Variants in PNMA6E observed in about 807,000 individuals in gnomAD.
PNMA6E encodes paraneoplastic antigen Ma6E.
For synonymous variants in PNMA6E, 43 were observed against 17.1 expected, an observed-to-expected ratio of 2.52 and a Z score of -3.74; for missense variants, 78 against 50.8, an observed-to-expected ratio of 1.53 and a Z score of -1.63.
chrX:153,397,951 G>A lies in PNMA6E; in HGVS notation c.899C>T (p.Ala300Val). The stretch of plus-strand genomic sequence containing the variant: ...GGTGCAGCGCCAAGGCTGGACCCAG[G>A]CTTTTGTTACATTTGTCCCTCCTGC... The part of the protein sequence containing the change: ...GEAGGTNVTK[A>V]WVQPWRCTLQ... The change falls in exon 2 of 2, where the codon GCC (alanine) becomes GTC (valine). Residue 300 changes from alanine (A) to valine (V), a missense_variant. Ala to Val is a moderately conservative substitution (Grantham distance 64). Coordinates refer to ENST00000445091, the MANE Select transcript of PNMA6E (RefSeq NM_001367770.1). The A allele has an allele frequency of 1.2e-5, 5 of 420,056 alleles. No homozygotes were observed. Among genetic ancestry groups the A allele is most frequent in the Non-Finnish European group, 2.1e-5 (5 of 242,645 alleles). The allele number at this position is 420,056 out of a possible 1,213,427, so 34.6% of individuals were successfully genotyped here.
chrX:153,398,996 G>T, intron 1 of PNMA6E, 76 bp from the exon 2 acceptor site: 1 of 294,817 alleles, frequency 3.4e-6, no homozygotes, highest in East Asian at 4.8e-5. Flanking sequence ...CGTGTGTGGG[G>T]GTGAGGGGGC....
At chrX:153,402,509 A>C (rs1294703379), upstream of PNMA6E, among the ~76,000 whole-genome samples, 1 of 111,560 alleles carries the variant, frequency 9.0e-6, no homozygotes, top group Non-Finnish European at 1.9e-5. Context: ...TAGTTGTCAT[A>C]TATATATCTA....
the PNMA6E span, among the ~76,000 whole-genome samples, chrX:153,407,410 C>T: frequency 3.6e-5 from 4 of 110,757 alleles, no homozygotes; most frequent in Non-Finnish European, 7.6e-5. Flanking sequence ...CGCTCTGCTG[C>T]CCAGGCTGGA....
chrX:153,406,222 G>C (rs939212640), upstream of PNMA6E, among the ~76,000 whole-genome samples: 3 of 112,318 alleles, frequency 2.7e-5, no homozygotes, highest in Non-Finnish European at 5.6e-5. Context: ...GAGATTCGAC[G>C]GCATCGGCGG....
At chrX:153,404,517 C>T (rs1316241886), upstream of PNMA6E, among the ~76,000 whole-genome samples, 9 of 110,230 alleles carry the variant, frequency 8.2e-5, no homozygotes, top group Admixed American at 2.9e-4. Context: ...GTGGTGGTGG[C>T]GGTGGTGGTT....
upstream of PNMA6E, among the ~76,000 whole-genome samples, chrX:153,405,973 A>T (rs941066951): frequency 3.6e-5 from 4 of 112,431 alleles, no homozygotes; most frequent in Non-Finnish European, 7.5e-5. Flanking sequence ...TCTGAGCAGC[A>T]TTGTCTTAGT....
intron 1 of PNMA6E, among the ~76,000 whole-genome samples, 154 bp downstream of exon 1, chrX:153,401,090 G>A (rs1388352824): frequency 9.5e-6 from 1 of 105,788 alleles, no homozygotes; most frequent in South Asian, 4.5e-4. Flanking sequence ...CGGGCCAGGC[G>A]GGACCGCCGC....
the PNMA6E span, among the ~76,000 whole-genome samples, chrX:153,412,184 G>C: frequency 2.7e-5 from 3 of 112,550 alleles, no homozygotes; most frequent in Non-Finnish European, 3.8e-5. Context: ...GCGGTGGTGC[G>C]GGATGTTGAC....
the PNMA6E span, among the ~76,000 whole-genome samples, chrX:153,412,702 G>A: frequency 8.9e-6 from 1 of 111,903 alleles, no homozygotes; most frequent in Non-Finnish European, 1.9e-5. Flanking sequence ...GCTCAAGGGA[G>A]CAAGAGTGTG....
At chrX:153,401,893 C>T (rs1357834566), upstream of PNMA6E, among the ~76,000 whole-genome samples, 4 of 81,662 alleles carry the variant, frequency 4.9e-5, no homozygotes, top group African/African-American at 1.5e-4. Context: ...GGCGCAATTT[C>T]GGCTCACTGC....
At chrX:153,400,898 A>G (rs1330283923) in intron 1 of PNMA6E, among the ~76,000 whole-genome samples, 2 of 88,625 alleles carry the variant, frequency 2.3e-5, no homozygotes, top group Non-Finnish European at 4.4e-5. Context: ...TGGGCGAGTC[A>G]CCCTCCCTCT....
rs1602870603 is a variant in PNMA6E at position 153,396,794 on chromosome X, T to G, written c.*112A>C. On this transcript the variant is annotated 3_prime_UTR_variant, in exon 2 of 2. Transcript: ENST00000445091. Reference sequence around the variant, plus strand: ...GGTGGCCAGAGCCCCTTGGGGGAGGTGGGGGGCCCTTACTCCTGAATGTGG... The same window carrying G: ...GGTGGCCAGAGCCCCTTGGGGGAGGGGGGGGGCCCTTACTCCTGAATGTGG... 3 of 292,450 alleles carry G rather than the reference T, an allele frequency of 1.0e-5. No individual in the cohort carries two copies. The highest frequency in any genetic ancestry group is 1.8e-5 in the Non-Finnish European group (3 of 168,618). 24.1% of individuals were successfully genotyped at this position (292,450 alleles called of 1,213,427 possible).
chrX:153,406,649 CACTG>C, the PNMA6E span, among the ~76,000 whole-genome samples: 1 of 112,953 alleles, frequency 8.9e-6, no homozygotes, highest in Non-Finnish European at 1.9e-5. Flanking sequence ...GCTGAGAACT[CACTG>C]ACAGATGTGA....
At chrX:153,403,150 G>A (rs2088862209), upstream of PNMA6E, among the ~76,000 whole-genome samples, 1 of 111,435 alleles carries the variant, frequency 9.0e-6, no homozygotes, top group African/African-American at 3.3e-5. Context: ...TTCTCTCCTA[G>A]GAGTCCATAT....
At position 153,396,735 on chromosome X, in the gene PNMA6E, G is replaced by T. The variant is rs953400366; in HGVS notation, c.*171C>A. Reference sequence around the variant, plus strand: ...CTCCCCACCCCATTTTGTATCAAACGTGGTCATCCGGGTCACAGGGAAGGA... The same window carrying T: ...CTCCCCACCCCATTTTGTATCAAACTTGGTCATCCGGGTCACAGGGAAGGA... On this transcript the variant is annotated 3_prime_UTR_variant, in exon 2 of 2. Coordinates refer to ENST00000445091, the MANE Select transcript of PNMA6E (RefSeq NM_001367770.1). The T allele has an allele frequency of 3.1e-5, 9 of 289,604 alleles. No homozygotes were observed. Among genetic ancestry groups the T allele is most frequent in the Middle Eastern group, 1.8e-3 (2 of 1,131 alleles). 23.9% of individuals were successfully genotyped at this position (289,604 alleles called of 1,213,427 possible). A position where few individuals can be genotyped will look rare whatever the true frequency, so the allele number is the denominator to read the frequency against.
the PNMA6E span, among the ~76,000 whole-genome samples, chrX:153,408,138 C>A: frequency 8.9e-6 from 1 of 112,670 alleles, no homozygotes; most frequent in Non-Finnish European, 1.9e-5. Flanking sequence ...AGAGGGAGGC[C>A]GTCCTGGGAG....
chrX:153,397,427 C>T lies in PNMA6E; in HGVS notation c.1423G>A (p.Glu475Lys). ...CCCAGGAAGCCAGGTGGCCTCTTCT[C>T]CAGCTGCATCCCTCTCAGGGTATCC... ...LQDTLRGMQLEKRPPGFLGLL... is the reference protein window; with the variant it reads ...LQDTLRGMQLKKRPPGFLGLL... Residue 475 changes from glutamate (E) to lysine (K), a missense_variant, in exon 2 of 2, where the codon GAG (glutamate) becomes AAG (lysine). Transcript: ENST00000445091. The T allele has an allele frequency of 3.4e-6, 1 of 298,350 alleles. No homozygotes were observed. 24.6% of individuals were successfully genotyped at this position (298,350 alleles called of 1,213,427 possible). A position where few individuals can be genotyped will look rare whatever the true frequency, so the allele number is the denominator to read the frequency against.
the PNMA6E span, among the ~76,000 whole-genome samples, chrX:153,407,963 A>G: frequency 3.5e-5 from 4 of 112,821 alleles, no homozygotes; most frequent in Admixed American, 1.9e-4. Context: ...CACAGGCAGC[A>G]GCCTGAAGCC....
At chrX:153,413,379 C>T in the PNMA6E span, among the ~76,000 whole-genome samples, 1 of 106,294 alleles carries the variant, frequency 9.4e-6, no homozygotes, top group Non-Finnish European at 1.9e-5. Context: ...CATCCCCTTC[C>T]CAGCCCTCCC....
Sources: gnomAD v4.1 joint callset for allele counts (sites outside exome capture counted in the v4.1 genomes callset) on GRCh38, gnomAD v4.1.1 for gene constraint, MANE v1.5 for transcripts, NCBI Gene and HGNC (gene_info 2026-07-23, HGNC 2026-07-21) for gene names.